Variants in UBE2N observed in about 807,000 individuals in gnomAD.
The protein encoded by UBE2N is ubiquitin-conjugating enzyme E2 N.
For missense variants in UBE2N, 60 were observed against 192.1 expected (o/e 0.31, Z 4.07); for synonymous variants, 70 against 69.2 (o/e 1.01, Z -0.06).
At chr12:93,423,308 G>A (rs1878474919) in intron 1 of UBE2N, among the ~76,000 whole-genome samples, 1 of 152,124 alleles carries the variant, frequency 6.6e-6, no homozygotes, top group Non-Finnish European at 1.5e-5. Flanking sequence ...GGCTTCTGTT[G>A]GTTGCTAAAA....
intron 1 of UBE2N, among the ~76,000 whole-genome samples, chr12:93,440,420 T>C (rs973865109): frequency 2.6e-5 from 4 of 152,234 alleles, no homozygotes; most frequent in Non-Finnish European, 5.9e-5. Context: ...TGACAATCTG[T>C]TCTACTTCTC....
At chr12:93,411,032 G>T in intron 2 of UBE2N, 21 bp downstream of exon 2, 15 of 1,613,958 alleles carry the variant, frequency 9.3e-6, no homozygotes, top group Non-Finnish European at 1.3e-5. Context: ...AATAGCATAT[G>T]CTGATAAAGA....
At chr12:93,434,669 A>G (rs1355628524) in intron 1 of UBE2N, among the ~76,000 whole-genome samples, 1 of 152,208 alleles carries the variant, frequency 6.6e-6, no homozygotes, top group Non-Finnish European at 1.5e-5. Flanking sequence ...AGACCTAGGG[A>G]ATCCACAAAT....
At chr12:93,415,319 T>A (rs1234310628) in intron 1 of UBE2N, among the ~76,000 whole-genome samples, 1 of 152,176 alleles carries the variant, frequency 6.6e-6, no homozygotes, top group African/African-American at 2.4e-5. Flanking sequence ...TATACTGAAA[T>A]AGTCATAAGA....
intron 1 of UBE2N, among the ~76,000 whole-genome samples, chr12:93,413,011 T>TC (rs1247310945): frequency 1.3e-5 from 2 of 152,196 alleles, no homozygotes; most frequent in Non-Finnish European, 2.9e-5. Context: ...GGGAGGAAAG[T>TC]CTTTGAAGAG....
intron 1 of UBE2N, among the ~76,000 whole-genome samples, chr12:93,411,883 G>A (rs1394867441): frequency 3.3e-5 from 5 of 151,904 alleles, no homozygotes; most frequent in Non-Finnish European, 4.4e-5. Flanking sequence ...TAGTAGAGAC[G>A]GTATCACCCT....
chr12:93,414,550 A>G (rs1254213844), intron 1 of UBE2N, among the ~76,000 whole-genome samples: 1 of 151,282 alleles, frequency 6.6e-6, no homozygotes, highest in African/African-American at 2.4e-5. Context: ...ACTTATCTTC[A>G]GCTGTTCTCT....
chr12:93,417,420 T>G (rs1878252960), intron 1 of UBE2N, among the ~76,000 whole-genome samples: 2 of 152,236 alleles, frequency 1.3e-5, no homozygotes, highest in South Asian at 4.1e-4. Context: ...ATGACAGGTC[T>G]TAGATGCTCT....
intron 1 of UBE2N, among the ~76,000 whole-genome samples, chr12:93,427,721 T>C (rs766332919): frequency 5.9e-5 from 9 of 152,178 alleles, no homozygotes; most frequent in Non-Finnish European, 1.2e-4. Flanking sequence ...ACTGTACACT[T>C]TGAGTGGGTG....
At chr12:93,421,151 C>G (rs1362254864) in intron 1 of UBE2N, among the ~76,000 whole-genome samples, 1 of 144,828 alleles carries the variant, frequency 6.9e-6, no homozygotes, top group African/African-American at 2.6e-5. Flanking sequence ...AGCTGCTGGG[C>G]TCTATTCAGT....
intron 1 of UBE2N, among the ~76,000 whole-genome samples, chr12:93,440,647 G>C (rs1189280573): frequency 1.3e-5 from 2 of 152,112 alleles, no homozygotes; most frequent in Non-Finnish European, 2.9e-5. Flanking sequence ...CGTTCACCAG[G>C]TTATATCAAG....
At chr12:93,441,707 T>C (rs1326173684) in intron 1 of UBE2N, 148 bp downstream of exon 1, 7 of 1,100,582 alleles carry the variant, frequency 6.4e-6, no homozygotes, top group Non-Finnish European at 8.7e-6. Context: ...GCACCCGACT[T>C]CCCTCGCCGC....
chr12:93,414,300 TTAGC>T lies in UBE2N; in HGVS notation c.31-3005_31-3002del, dbSNP rs201709102. ...TCCCACCTCTACTAAAAATATAAAA[TTAGC>T]TAGGCATGGTGGCGCATGCCTGTAA... On this transcript the variant is annotated intron_variant, in intron 1 of 3. Transcript: ENST00000318066. 9.2e-3 allele frequency among the ~76,000 whole-genome samples: 1,390 copies of T among 151,298 alleles called. 19 individuals carry two copies. Among genetic ancestry groups the T allele is most frequent in the African/African-American group, 0.031 (1,274 of 41,116 alleles).
Position 93,408,663 on chromosome 12 carries a change from A to G in UBE2N, c.*1376T>C, listed in dbSNP as rs1344566420. 1 of 152,222 alleles carries G rather than the reference A, an allele frequency of 6.6e-6. No homozygotes were observed. The allele number at this position is 152,222 out of a possible 1,614,324, so 9.4% of individuals were successfully genotyped here. The stretch of plus-strand genomic sequence containing the variant: ...TGAGGGGAGGAATTCGTCAATAAAG[A>G]AGAAAAATTACTGAATTCCAAATTA... On this transcript the variant is annotated 3_prime_UTR_variant, in exon 4 of 4. Coordinates refer to ENST00000318066, the MANE Select transcript of UBE2N (RefSeq NM_003348.4).
intron 1 of UBE2N, among the ~76,000 whole-genome samples, chr12:93,418,471 A>T (rs2121068223): frequency 6.8e-6 from 1 of 146,518 alleles, no homozygotes; most frequent in East Asian, 1.9e-4. Flanking sequence ...TTACTACATG[A>T]TTTTGTATAA....
At chr12:93,410,559 TG>T (rs1228767963) in intron 3 of UBE2N, 174 bp downstream of exon 3, 7 of 879,414 alleles carry the variant, frequency 8.0e-6, no homozygotes, top group Non-Finnish European at 1.0e-5. Context: ...TCTTTATATT[TG>T]GGGGGTCCCA....
Position 93,411,320 on chromosome 12 carries a change from C to T in UBE2N, c.31-21G>A, listed in dbSNP as rs1414952078. ...GTTTCCTATGACAGAAAAACAAACA[C>T]ATTTGTGAAACAAATGTCATTTTGC... On this transcript the variant is annotated intron_variant, in intron 1 of 3. Coordinates refer to ENST00000318066, the MANE Select transcript of UBE2N (RefSeq NM_003348.4). The T allele has an allele frequency of 5.1e-6, 8 of 1,568,786 alleles. No homozygotes were observed. The African/African-American group carries it at 5.5e-5, about 11-fold the overall frequency.
intron 1 of UBE2N, chr12:93,429,347 T>C (rs186648950): frequency 4.8e-6 from 2 of 413,988 alleles, no homozygotes; most frequent in African/African-American, 2.1e-5. Context: ...CTAACATATT[T>C]TTAGACTTAC....
In UBE2N at chr12:93,406,495, T is replaced by G. The variant is rs1214213750; in HGVS notation, c.*3544A>C. 1.6e-4 allele frequency: 25 copies of G among 152,148 alleles called. No individual in the cohort carries two copies. The highest frequency in any genetic ancestry group is 1.6e-3 in the Admixed American group (25 of 15,264). The allele number at this position is 152,148 out of a possible 1,614,324, so 9.4% of individuals were successfully genotyped here. On this transcript the variant is annotated 3_prime_UTR_variant, in exon 4 of 4. Transcript: ENST00000318066. ...GTATTTAATCTTATTTTTAAGTGCTTCTTTGAAATTGTTTTACAAGTACAT... is the reference window on the plus strand; with the variant it reads ...GTATTTAATCTTATTTTTAAGTGCTGCTTTGAAATTGTTTTACAAGTACAT...
Sources: gnomAD v4.1 joint callset for allele counts (sites outside exome capture counted in the v4.1 genomes callset) on GRCh38, gnomAD v4.1.1 for gene constraint, MANE v1.5 for transcripts, NCBI Gene and HGNC (gene_info 2026-07-23, HGNC 2026-07-21) for gene names.